KCNIP1: variants seen among roughly 807,000 people sequenced by gnomAD.
KCNIP1 encodes the protein A-type potassium channel modulatory protein KCNIP1.
Under a neutral mutation model 33.0 loss-of-function variants are expected in KCNIP1, and 18 were observed. That is an observed-to-expected ratio of 0.55 (90% CI 0.38 to 0.81). The LOEUF is 0.81. KCNIP1 is among the 30% of genes least tolerant of loss of function. The probability of loss-of-function intolerance (pLI) is 0.00; values close to 1 mark genes in which losing one functional copy is unlikely to be tolerated. For synonymous variants in KCNIP1, 93 were observed against 98.3 expected, an observed-to-expected ratio of 0.95 and a Z score of 0.32; for missense variants, 238 against 271.6, an observed-to-expected ratio of 0.88 and a Z score of 0.87.
At chr5:170,544,927 A>G (rs1581303811) in intron 1 of KCNIP1, among the ~76,000 whole-genome samples, 1 of 152,158 alleles carries the variant, frequency 6.6e-6, no homozygotes, top group Non-Finnish European at 1.5e-5. Flanking sequence ...TAAACAGCCA[A>G]TATTCTTTTA....
chr5:170,472,787 C>T (rs1756766441), intron 1 of KCNIP1, among the ~76,000 whole-genome samples: 1 of 152,148 alleles, frequency 6.6e-6, no homozygotes, highest in African/African-American at 2.4e-5. Context: ...GAGTAGTATT[C>T]CATTGTATCT....
chr5:170,688,079 G>A (rs1037811331), intron 1 of KCNIP1, among the ~76,000 whole-genome samples: 1 of 152,112 alleles, frequency 6.6e-6, no homozygotes, highest in Non-Finnish European at 1.5e-5. Context: ...TTATATACAT[G>A]ATATACTTCA....
At chr5:170,611,163 A>AT (rs76753434) in intron 1 of KCNIP1, among the ~76,000 whole-genome samples, 2 of 152,054 alleles carry the variant, frequency 1.3e-5, no homozygotes. Flanking sequence ...CTAGTCTCTG[A>AT]TTTTTTAGCC....
intron 1 of KCNIP1, among the ~76,000 whole-genome samples, chr5:170,506,871 G>A (rs1459928258): frequency 1.3e-5 from 2 of 152,164 alleles, no homozygotes; most frequent in Non-Finnish European, 2.9e-5. Flanking sequence ...ATTTGCCCCC[G>A]AAGCACAGTC....
chr5:170,483,203 T>C (rs1757014163), intron 1 of KCNIP1: 1 of 393,988 alleles, frequency 2.5e-6, no homozygotes, highest in South Asian at 1.9e-5. Flanking sequence ...TAGGTAACTA[T>C]GAGGCAAGAG....
At chr5:170,704,760 A>T (rs972877769) in intron 1 of KCNIP1, among the ~76,000 whole-genome samples, 12 of 152,156 alleles carry the variant, frequency 7.9e-5, no homozygotes, top group African/African-American at 2.4e-4. Flanking sequence ...TTCTCCTGCC[A>T]TACAACCTTC....
At chr5:170,501,567 C>T (rs1757413961), upstream of KCNIP1, among the ~76,000 whole-genome samples, 1 of 152,244 alleles carries the variant, frequency 6.6e-6, no homozygotes, top group African/African-American at 2.4e-5. Flanking sequence ...CAAAATGGAG[C>T]AAGTCATCTG....
chr5:170,690,538 T>C (rs530164089), intron 1 of KCNIP1, among the ~76,000 whole-genome samples: 1 of 152,318 alleles, frequency 6.6e-6, no homozygotes, highest in East Asian at 1.9e-4. Context: ...GGTGAGTGAA[T>C]GGATTAATGC....
rs941171366 is a variant in KCNIP1, at chr5:170,718,706, C to A, written c.62-52C>A. The A allele has an allele frequency of 3.1e-6, 5 of 1,609,146 alleles. No individual in the cohort carries two copies. The African/African-American group carries it at 5.4e-5, about 17-fold the overall frequency. On this transcript the variant is annotated intron_variant, in intron 1 of 7. Transcript: ENST00000328939. ...TTTGACAGCCCAGATTGTTACCTAA[C>A]AAGAATGACTCCCAAGCTCAACCAT...
chr5:170,506,974 G>A (rs1754745366), intron 1 of KCNIP1, among the ~76,000 whole-genome samples: 1 of 152,248 alleles, frequency 6.6e-6, no homozygotes, highest in Non-Finnish European at 1.5e-5. Flanking sequence ...GGCTGAGGAG[G>A]CTAGTGGTCA....
At chr5:170,677,412 A>G (rs1762183391) in intron 1 of KCNIP1, among the ~76,000 whole-genome samples, 1 of 152,178 alleles carries the variant, frequency 6.6e-6, no homozygotes, top group African/African-American at 2.4e-5. Context: ...TGTTATTGTA[A>G]CAACCCTATG....
At chr5:170,536,392 C>CAT (rs70979183) in intron 1 of KCNIP1, among the ~76,000 whole-genome samples, 43,517 of 152,024 alleles carry the variant, frequency 0.29, 9,333 homozygotes, top group African/African-American at 0.61. Context: ...GAGAAGACCA[C>CAT]ATCCACTTTG....
chr5:170,723,905 A>G (rs1763919497), intron 5 of KCNIP1, among the ~76,000 whole-genome samples: 1 of 152,184 alleles, frequency 6.6e-6, no homozygotes, highest in African/African-American at 2.4e-5. Flanking sequence ...ATAGAGCTTC[A>G]TGTGTTTCAA....
chr5:170,376,328 GATTTTTTCT>G (rs1764003005), intron 1 of KCNIP1: 1 of 151,018 alleles, frequency 6.6e-6, no homozygotes, highest in Non-Finnish European at 1.5e-5. Context: ...GCCCGGCTAT[GATTTTTTCT>G]ATTTTTTAGT....
chr5:170,388,039 CATG>C (rs1764556245), intron 1 of KCNIP1, among the ~76,000 whole-genome samples: 1 of 152,220 alleles, frequency 6.6e-6, no homozygotes. Context: ...CGCCCAGGGC[CATG>C]GCCTCCTCTG....
chr5:170,482,989 A>G (rs1484202578), intron 1 of KCNIP1: 1 of 429,828 alleles, frequency 2.3e-6, no homozygotes, highest in African/African-American at 2.1e-5. Flanking sequence ...CCTAGAAAAC[A>G]TAGCCTAAAT....
intron 1 of KCNIP1, among the ~76,000 whole-genome samples, chr5:170,562,719 G>T (rs949202568): frequency 1.3e-5 from 2 of 152,196 alleles, no homozygotes; most frequent in Non-Finnish European, 2.9e-5. Flanking sequence ...CCAACAAGGG[G>T]CACATTTGCA....
At chr5:170,434,882 G>GA (rs1455417261) in intron 1 of KCNIP1, among the ~76,000 whole-genome samples, 1 of 152,222 alleles carries the variant, frequency 6.6e-6, no homozygotes, top group African/African-American at 2.4e-5. Flanking sequence ...TTGAACCCAG[G>GA]AAGGGGAGGT....
At position 170,504,561 on chromosome 5, in the gene KCNIP1, G is replaced by T. The variant is rs1158956589; in HGVS notation, c.-12G>T. ...GCCCGGGGTCCCAACTCGCACTCAA[G>T]TCTTCGCTGCCATGGGGGCCGTCAT... On this transcript the variant is annotated 5_prime_UTR_variant, in exon 1 of 8. Coordinates refer to ENST00000328939, the MANE Select transcript of KCNIP1 (RefSeq NM_014592.4). This position sits in a 1 kb window ranked among gnomAD's most constrained non-coding sequence, Gnocchi z 6.0. 6.2e-7 allele frequency: 1 copy of T among 1,613,198 alleles called. No individual in the cohort carries two copies. The highest frequency in any genetic ancestry group is 1.1e-5 in the South Asian group (1 of 91,080).
Sources: gnomAD v4.1 joint callset for allele counts (sites outside exome capture counted in the v4.1 genomes callset) on GRCh38, gnomAD v4.1.1 for gene constraint, Gnocchi (gnomAD v3.1) non-coding constraint, MANE v1.5 for transcripts, NCBI Gene and HGNC (gene_info 2026-07-23, HGNC 2026-07-21) for gene names.